CBLB: variants seen among roughly 807,000 people sequenced by gnomAD.
CBLB encodes the protein Cbl proto-oncogene B.
Under a neutral mutation model 104.9 loss-of-function variants are expected in CBLB, and 31 were observed. The observed-to-expected ratio is 0.30, with a 90% CI of 0.22 to 0.40. The LOEUF (loss-of-function observed/expected upper bound fraction) is 0.40, where lower values mean the gene tolerates loss of function less well. CBLB is among the 10% of genes least tolerant of loss of function. The probability of loss-of-function intolerance (pLI) is 1.00; values close to 1 mark genes in which losing one functional copy is unlikely to be tolerated. For synonymous variants in CBLB, 440 were observed against 422.6 expected (o/e 1.04, Z -0.51); for missense variants, 1,062 against 1,214.6 (o/e 0.87, Z 1.87).
intron 3 of CBLB, among the ~76,000 whole-genome samples, chr3:105,845,414 T>C (rs1228384136): frequency 1.3e-5 from 2 of 149,080 alleles, no homozygotes; most frequent in Admixed American, 6.7e-5. Context: ...ATAAATGAAA[T>C]AAATAGCAAA....
chr3:105,811,867 C>T (rs907588983), intron 3 of CBLB, among the ~76,000 whole-genome samples: 5 of 152,000 alleles, frequency 3.3e-5, no homozygotes, highest in African/African-American at 1.2e-4. Context: ...CTGCCACTGG[C>T]TAATTTTTGT....
At chr3:105,776,314 A>C in intron 4 of CBLB, 82 bp downstream of exon 4, 2 of 1,248,966 alleles carry the variant, frequency 1.6e-6, no homozygotes, top group Admixed American at 3.5e-5. Flanking sequence ...CTCAAGTAAA[A>C]TATATACCAT....
chr3:105,685,276 T>C (rs1028232983), intron 14 of CBLB, 44 bp downstream of exon 14: 1 of 1,516,766 alleles, frequency 6.6e-7, no homozygotes, highest in Non-Finnish European at 9.2e-7. Context: ...CAAATGATAA[T>C]GCTTATGCAG....
At chr3:105,865,889 T>G (rs2092399531) in intron 2 of CBLB, among the ~76,000 whole-genome samples, 1 of 152,102 alleles carries the variant, frequency 6.6e-6, no homozygotes, top group Non-Finnish European at 1.5e-5. Context: ...AACTAATGAT[T>G]TAGGCAGTGA....
At chr3:105,848,977 T>C (rs1395875170) in intron 3 of CBLB, among the ~76,000 whole-genome samples, 2 of 152,156 alleles carry the variant, frequency 1.3e-5, no homozygotes, top group African/African-American at 4.8e-5. Context: ...ATTGGTAATG[T>C]ACAGATTTTC....
At chr3:105,676,128 G>A (rs1390607545) in intron 17 of CBLB, among the ~76,000 whole-genome samples, 1 of 151,844 alleles carries the variant, frequency 6.6e-6, no homozygotes, top group Admixed American at 6.6e-5. Flanking sequence ...ATGCTAGCCT[G>A]ACACTCTAAG....
chr3:105,828,263 G>T (rs983391886), intron 3 of CBLB, among the ~76,000 whole-genome samples: 2 of 152,142 alleles, frequency 1.3e-5, no homozygotes, highest in Non-Finnish European at 2.9e-5. Flanking sequence ...TGCTCACAGG[G>T]CCACATCAGC....
At chr3:105,806,687 A>G (rs924425329) in intron 3 of CBLB, among the ~76,000 whole-genome samples, 2 of 152,152 alleles carry the variant, frequency 1.3e-5, no homozygotes, top group Non-Finnish European at 2.9e-5. Context: ...TTTCATTGAA[A>G]TACTACCCTG....
At chr3:105,739,767 A>G (rs908417157) in intron 7 of CBLB, among the ~76,000 whole-genome samples, 2 of 152,176 alleles carry the variant, frequency 1.3e-5, no homozygotes. Context: ...GGAGAAACAG[A>G]TAAGAAAGAG....
At chr3:105,764,922 C>CA (rs1392653536) in intron 4 of CBLB, among the ~76,000 whole-genome samples, 2 of 152,134 alleles carry the variant, frequency 1.3e-5, no homozygotes, top group African/African-American at 4.8e-5. Context: ...AAGCCGAATC[C>CA]AAAACAAGGC....
chr3:105,672,903 CAT>C (rs1559762881), intron 17 of CBLB: 2 of 151,712 alleles, frequency 1.3e-5, no homozygotes, highest in African/African-American at 4.8e-5. Context: ...TTGCTCATGA[CAT>C]ATTAACTGGA....
chr3:105,801,686 C>T (rs1012277533), intron 3 of CBLB, among the ~76,000 whole-genome samples: 1 of 152,256 alleles, frequency 6.6e-6, no homozygotes, highest in African/African-American at 2.4e-5. Flanking sequence ...TTTGAAGATT[C>T]CTTTGCAATC....
intron 17 of CBLB, among the ~76,000 whole-genome samples, chr3:105,676,925 C>T (rs150076989): frequency 1.2e-4 from 18 of 152,314 alleles, no homozygotes; most frequent in African/African-American, 3.1e-4. Context: ...CCATGTAAGA[C>T]ATGCCCTGGT....
intron 2 of CBLB, among the ~76,000 whole-genome samples, chr3:105,854,260 T>G (rs1199134245): frequency 6.6e-6 from 1 of 152,208 alleles, no homozygotes; most frequent in Non-Finnish European, 1.5e-5. Flanking sequence ...AACGGTTCAG[T>G]CATCCCATCA....
chr3:105,754,531 G>GAGAGAC (rs1560097040), intron 4 of CBLB, among the ~76,000 whole-genome samples: 17 of 127,652 alleles, frequency 1.3e-4, no homozygotes, highest in South Asian at 2.5e-4. Flanking sequence ...GACAGAGAGA[G>GAGAGAC]AGAGAGAGAG....
intron 3 of CBLB, among the ~76,000 whole-genome samples, chr3:105,800,302 T>C (rs952154754): frequency 6.6e-6 from 1 of 152,212 alleles, no homozygotes; most frequent in Admixed American, 6.5e-5. Flanking sequence ...TTCCCCCAGA[T>C]GATTCCAATG....
In CBLB at chr3:105,867,427, T is replaced by G. The variant is rs1205052478; in HGVS notation, c.151A>C (p.Lys51Gln). ...ADRRTVEKTW[K>Q]LMDKVVRLCQ... is the part of the protein sequence containing the mutation. ...GAACTTACCACTTTGTCCATGAGCT[T>G]CCAAGTCTTCTCCACGGTCCTGCGA... is the stretch of plus-strand genomic sequence containing the variant. The change falls in exon 2 of 19, where the codon AAG becomes CAG. Residue 51 changes from lysine to glutamine, a missense_variant. Around this residue, in one of 2 missense-constraint regions of CBLB, gnomAD observed 457 missense variants for 632.0 expected, o/e 0.72. Coordinates refer to ENST00000394030, the MANE Select transcript of CBLB (RefSeq NM_170662.5). The G allele has an allele frequency of 3.1e-6, 5 of 1,613,998 alleles. No individual in the cohort carries two copies. Among genetic ancestry groups the G allele is most frequent in the Admixed American group, 3.3e-5 (2 of 59,996 alleles).
chr3:105,754,633 C>A (rs1185816245), intron 4 of CBLB, among the ~76,000 whole-genome samples: 2 of 151,836 alleles, frequency 1.3e-5, no homozygotes, highest in Non-Finnish European at 2.9e-5. Context: ...TTGACCCTTA[C>A]AATTATAAAC....
chr3:105,756,378 C>T (rs533297500), intron 4 of CBLB, among the ~76,000 whole-genome samples: 9 of 152,136 alleles, frequency 5.9e-5, no homozygotes, highest in Admixed American at 4.6e-4. Context: ...TTTTATAATG[C>T]TATCTAAAAG....
Sources: allele counts gnomAD v4.1 joint callset (sites outside exome capture counted in the v4.1 genomes callset), GRCh38; gene constraint gnomAD v4.1.1; regional missense constraint gnomAD v4.1.1; transcripts MANE v1.5; gene names NCBI Gene and HGNC (gene_info 2026-07-23, HGNC 2026-07-21).